ZSCAN10: variants seen among roughly 807,000 people sequenced by gnomAD.
The protein encoded by ZSCAN10 is zinc finger and SCAN domain-containing protein 10.
A neutral mutation model predicts 63.7 loss-of-function variants in ZSCAN10; 52 were observed. That is an observed-to-expected ratio of 0.82 (90% CI 0.65 to 1.03). The LOEUF (loss-of-function observed/expected upper bound fraction) is 1.03, where lower values mean the gene tolerates loss of function less well. Ranked by LOEUF, ZSCAN10 falls within the 50% of genes least tolerant of loss-of-function variation. The probability of loss-of-function intolerance (pLI) is 0.00; values close to 1 mark genes in which losing one functional copy is unlikely to be tolerated. For synonymous variants in ZSCAN10, 544 were observed against 479.6 expected (o/e 1.13, Z -1.76); for missense variants, 1,223 against 1,103.8 (o/e 1.11, Z -1.53).
In ZSCAN10 at chr16:3,088,917, C is replaced by A. The variant is rs553781860; in HGVS notation, c.*174G>T. ...TTGGAGAAGGCCATTTTACTTCGGG[C>A]GTTTTAATTACATAGCTGAGGCCAG... On this transcript the variant is annotated 3_prime_UTR_variant, in exon 6 of 6. Coordinates refer to ENST00000576985, the MANE Select transcript of ZSCAN10 (RefSeq NM_032805.3). The A allele has an allele frequency of 2.1e-4, 261 of 1,246,076 alleles. No homozygotes were observed. The African/African-American group carries it at 3.5e-3, about 17-fold the overall frequency. 77.2% of individuals were successfully genotyped at this position (1,246,076 alleles called of 1,614,324 possible).
chr16:3,089,723 C>G lies in ZSCAN10; in HGVS notation c.1711G>C (p.Val571Leu). 6.2e-7 allele frequency: 1 copy of G among 1,603,420 alleles called. No homozygotes were observed. The highest frequency in any genetic ancestry group is 8.5e-7 in the Non-Finnish European group (1 of 1,178,954). ...QSSQLVSHQR[V>L]HTGEKPYACP... ...GCGTAGGGCTTCTCGCCCGTGTGCA[C>G]CCGTTGGTGGCTGACCAGCTGCGAG... is the stretch of plus-strand genomic sequence containing the variant. Residue 571 changes from valine (V) to leucine (L), a missense_variant, in exon 6 of 6, where the codon GTG becomes CTG. Coordinates refer to ENST00000576985, the MANE Select transcript of ZSCAN10 (RefSeq NM_032805.3).
intron 1 of ZSCAN10, among the ~76,000 whole-genome samples, chr16:3,093,980 A>G (rs1436904639): frequency 6.6e-6 from 1 of 152,070 alleles, no homozygotes; most frequent in Non-Finnish European, 1.5e-5. Context: ...CCACTGCACC[A>G]AGCCTGTTTT....
intron 1 of ZSCAN10, among the ~76,000 whole-genome samples, chr16:3,097,806 C>T (rs1490898056): frequency 6.6e-6 from 1 of 152,054 alleles, no homozygotes; most frequent in Non-Finnish European, 1.5e-5. Context: ...TAGGGAATGG[C>T]AGTGATTCTG....
rs1957055764 is a variant in ZSCAN10 at position 3,090,378 on chromosome 16, G to A, written c.1056C>T (p.Cys352=). 2 of 1,613,224 alleles carry A rather than the reference G, an allele frequency of 1.2e-6. No individual in the cohort carries two copies. The highest frequency in any genetic ancestry group is 1.7e-6 in the Non-Finnish European group (2 of 1,179,774). The change falls in exon 6 of 6, where the codon TGC becomes TGT. Residue 352 remains cysteine (C), a synonymous_variant. Coordinates refer to ENST00000576985, the MANE Select transcript of ZSCAN10 (RefSeq NM_032805.3). The stretch of plus-strand genomic sequence containing the variant: ...GAGACAGCTGCGGGAAGCTCACCCC[G>A]CAGTCCGCGCAGATGAACTGCAACT... ...NPELQFICAD[C]GVSFPQLSRL...
rs756702401 is a variant in ZSCAN10 at position 3,090,433 on chromosome 16, A to G, written c.1001T>C (p.Val334Ala). 2.9e-5 allele frequency: 46 copies of G among 1,613,676 alleles called. No homozygotes were observed. The highest frequency in any genetic ancestry group is 3.6e-5 in the Non-Finnish European group (42 of 1,179,932). Reference protein sequence around the residue: ...LGSSEILEVKVAEGVPEPNPE... With the variant: ...LGSSEILEVKAAEGVPEPNPE... ...ATTGGGCTCGGGGACGCCCTCAGCC[A>G]CTTTGACCTCCAAAATTTCACTGCT... Residue 334 changes from valine (V) to alanine (A), a missense_variant, in exon 6 of 6, where the codon GTG (valine) becomes GCG (alanine). By Grantham distance (64) the Val-to-Ala change is moderately conservative. Transcript: ENST00000576985.
In ZSCAN10 at chr16:3,089,693, G is replaced by T; in HGVS notation, c.1741C>A (p.Pro581Thr). 1.2e-6 allele frequency: 2 copies of T among 1,604,124 alleles called. No homozygotes were observed. Among genetic ancestry groups the T allele is most frequent in the Non-Finnish European group, 1.7e-6 (2 of 1,177,218 alleles). The change falls in exon 6 of 6, where the codon CCG becomes ACG. Residue 581 changes from proline (P) to threonine (T), a missense_variant. Pro to Thr is a conservative substitution (Grantham distance 38). Transcript: ENST00000576985. ...CGCACAAAGCGCTTCCCGCACTGCG[G>T]ACAGGCGTAGGGCTTCTCGCCCGTG... ...VHTGEKPYACPQCGKRFVRRA... is the reference protein window; with the variant it reads ...VHTGEKPYACTQCGKRFVRRA...
chr16:3,096,924 G>A (rs1957159716), intron 1 of ZSCAN10, among the ~76,000 whole-genome samples: 1 of 128,774 alleles, frequency 7.8e-6, no homozygotes, highest in African/African-American at 3.8e-5. Flanking sequence ...ATTAGACTCT[G>A]CCTCAAAAAA....
At chr16:3,092,513 C>T in intron 2 of ZSCAN10, 29 bp downstream of exon 2, 1 of 1,472,630 alleles carries the variant, frequency 6.8e-7, no homozygotes. Flanking sequence ...CATCCGCATG[C>T]TGCTCAGCCC....
chr16:3,089,306 C>T lies in ZSCAN10; in HGVS notation c.2128G>A (p.Ala710Thr). 1 of 1,570,536 alleles carries T rather than the reference C, an allele frequency of 6.4e-7. No individual in the cohort carries two copies. The highest frequency in any genetic ancestry group is 8.6e-7 in the Non-Finnish European group (1 of 1,165,142). Residue 710 changes from alanine (A) to threonine (T), a missense_variant, in exon 6 of 6, where the codon GCT (alanine) becomes ACT (threonine). Ala to Thr is a moderately conservative substitution (Grantham distance 58). Coordinates refer to ENST00000576985, the MANE Select transcript of ZSCAN10 (RefSeq NM_032805.3). Reference protein sequence around the residue: ...RRNAHLRRHLATHAEPGQEQA... With the variant: ...RRNAHLRRHLTTHAEPGQEQA... Reference sequence around the variant, plus strand: ...TCCTGCCCGGGCTCCGCATGGGTAGCCAGGTGCCGCCGCAGATGCGCGTTG... The same window carrying T: ...TCCTGCCCGGGCTCCGCATGGGTAGTCAGGTGCCGCCGCAGATGCGCGTTG...
chr16:3,093,642 A>G (rs2151217221), intron 1 of ZSCAN10, among the ~76,000 whole-genome samples: 1 of 150,194 alleles, frequency 6.7e-6, no homozygotes, highest in Admixed American at 6.6e-5. Context: ...CACCATCAAG[A>G]TGGATCCTGG....
At chr16:3,091,973 C>T in intron 3 of ZSCAN10, 76 bp downstream of exon 3, 3 of 1,565,476 alleles carry the variant, frequency 1.9e-6, no homozygotes, top group Non-Finnish European at 2.6e-6. Flanking sequence ...GGAGGCCCCA[C>T]TTCTCACCCC....
rs778605954 is a variant in ZSCAN10, at chr16:3,089,086, C to A, written c.*5G>T. On this transcript the variant is annotated 3_prime_UTR_variant, in exon 6 of 6. Transcript: ENST00000576985. ...CAGGGCGCGGCTGGCGGAAGGCGGG[C>A]CAAGCTAGTACAGCGTCTCGCGGGC... 4.7e-6 allele frequency: 7 copies of A among 1,479,716 alleles called. No homozygotes were observed. Among genetic ancestry groups the A allele is most frequent in the Non-Finnish European group, 5.3e-6 (6 of 1,126,984 alleles). The allele number at this position is 1,479,716 out of a possible 1,614,324, so 91.7% of individuals were successfully genotyped here.
chr16:3,095,203 C>T (rs116033284), intron 1 of ZSCAN10, among the ~76,000 whole-genome samples: 2,880 of 151,530 alleles, frequency 0.019, 97 homozygotes, highest in African/African-American at 0.066. Flanking sequence ...CAACATGGCA[C>T]GACCCCCGTC....
At chr16:3,096,790 G>A (rs146853718) in intron 1 of ZSCAN10, among the ~76,000 whole-genome samples, 3 of 152,182 alleles carry the variant, frequency 2.0e-5, no homozygotes, top group East Asian at 3.9e-4. Flanking sequence ...TTAGCCGGAC[G>A]TGATGGCATG....
chr16:3,089,375 C>T lies in ZSCAN10; in HGVS notation c.2059G>A (p.Glu687Lys). Reference sequence around the variant, plus strand: ...CACGTCTGACAGCTGTAGGGCCGCTCGCCCGTGTGGCTGCGGCGATGGCGG... The same window carrying T: ...CACGTCTGACAGCTGTAGGGCCGCTTGCCCGTGTGGCTGCGGCGATGGCGG... Reference protein sequence around the residue: ...LARHRRSHTGERPYSCQTCGR... With the variant: ...LARHRRSHTGKRPYSCQTCGR... The change falls in exon 6 of 6, where the codon GAG becomes AAG. Residue 687 changes from glutamate (E) to lysine (K), a missense_variant. Glu to Lys is a moderately conservative substitution (Grantham distance 56). Coordinates refer to ENST00000576985, the MANE Select transcript of ZSCAN10 (RefSeq NM_032805.3). 2 of 1,601,956 alleles carry T rather than the reference C, an allele frequency of 1.2e-6. No individual in the cohort carries two copies. Among genetic ancestry groups the T allele is most frequent in the Non-Finnish European group, 1.7e-6 (2 of 1,178,352 alleles).
chr16:3,090,364 G>C lies in ZSCAN10; in HGVS notation c.1070C>G (p.Pro357Arg). 1 of 1,612,606 alleles carries C rather than the reference G, an allele frequency of 6.2e-7. No homozygotes were observed. The highest frequency in any genetic ancestry group is 2.2e-5 in the East Asian group (1 of 44,848). The change falls in exon 6 of 6, where the codon CCG becomes CGG. Residue 357 changes from proline (P) to arginine (R), a missense_variant. Transcript: ENST00000576985. ...GTGCGCCTTCAGGCGAGACAGCTGC[G>C]GGAAGCTCACCCCGCAGTCCGCGCA... ...FICADCGVSF[P>R]QLSRLKAHQL...
chr16:3,098,105 G>A (rs970654805), intron 1 of ZSCAN10, among the ~76,000 whole-genome samples: 1 of 151,672 alleles, frequency 6.6e-6, no homozygotes, highest in African/African-American at 2.4e-5. Context: ...AAAAAGAGTG[G>A]GGGAGGGGGA....
At chr16:3,098,263 G>A (rs554830348) in intron 1 of ZSCAN10, among the ~76,000 whole-genome samples, 8 of 152,056 alleles carry the variant, frequency 5.3e-5, no homozygotes, top group Non-Finnish European at 8.8e-5. Flanking sequence ...TCCAGCCCAC[G>A]CACGAAACAA....
intron 1 of ZSCAN10, chr16:3,096,311 C>T (rs1280829862): frequency 3.3e-5 from 5 of 152,240 alleles, no homozygotes; most frequent in African/African-American, 9.7e-5. Flanking sequence ...AGGCTCCTGC[C>T]CTCTGCTTTC....
Sources: allele counts gnomAD v4.1 joint callset (sites outside exome capture counted in the v4.1 genomes callset), GRCh38; gene constraint gnomAD v4.1.1; transcripts MANE v1.5; gene names NCBI Gene and HGNC (gene_info 2026-07-23, HGNC 2026-07-21).